Variants in BAALC observed in about 807,000 individuals in gnomAD.
The protein encoded by BAALC is brain and acute leukemia cytoplasmic protein.
BAALC carries 9 observed loss-of-function variants against 15.5 expected under a neutral mutation model. The observed-to-expected ratio is 0.58, with a 90% CI of 0.35 to 1.02. The LOEUF (loss-of-function observed/expected upper bound fraction) is 1.02, where lower values mean the gene tolerates loss of function less well. Among genes scored for constraint, BAALC ranks in the 50% least tolerant of loss-of-function variants. The pLI, the probability that BAALC is intolerant of heterozygous loss-of-function variation, is 0.02. For synonymous variants in BAALC, 80 were observed against 74.6 expected (o/e 1.07, Z -0.37); for missense variants, 201 against 192.4 (o/e 1.04, Z -0.27).
intron 1 of BAALC, among the ~76,000 whole-genome samples, chr8:103,202,341 C>T (rs984356594): frequency 6.6e-6 from 1 of 152,126 alleles, no homozygotes; most frequent in Non-Finnish European, 1.5e-5. Flanking sequence ...GAGATTAGGA[C>T]ACAGACACAC....
At chr8:103,188,790 G>A (rs1811901815) in intron 1 of BAALC, among the ~76,000 whole-genome samples, 1 of 152,190 alleles carries the variant, frequency 6.6e-6, no homozygotes, top group Admixed American at 6.5e-5. Context: ...GTATTCAACA[G>A]TGAGAAAGGA....
chr8:103,155,150 A>G lies in BAALC; in HGVS notation c.160+14093A>G, dbSNP rs1158560160. ...ACTGGGACTCTTTAAAAAAGATATTAGATTGGACCATATCTATTAGATTGG... is the reference window on the plus strand; with the variant it reads ...ACTGGGACTCTTTAAAAAAGATATTGGATTGGACCATATCTATTAGATTGG... On this transcript the variant is annotated intron_variant, in intron 1 of 2. Coordinates refer to ENST00000309982, the MANE Select transcript of BAALC (RefSeq NM_024812.3). Among the ~76,000 whole-genome samples, 13 of 152,306 alleles carry G rather than the reference A, an allele frequency of 8.5e-5. No homozygotes were observed. The East Asian group carries it at 2.5e-3, about 29-fold the overall frequency.
intron 1 of BAALC, among the ~76,000 whole-genome samples, chr8:103,182,796 C>T (rs987810705): frequency 6.6e-6 from 1 of 152,192 alleles, no homozygotes; most frequent in South Asian, 2.1e-4. Flanking sequence ...ACCTACCAGG[C>T]TGCTAAGTAG....
At chr8:103,149,111 G>T (rs1810929790) in intron 1 of BAALC, among the ~76,000 whole-genome samples, 1 of 152,222 alleles carries the variant, frequency 6.6e-6, no homozygotes, top group African/African-American at 2.4e-5. Context: ...CAGGTCTCTT[G>T]TTTCTGAATT....
chr8:103,196,098 G>A (rs1005658864), intron 1 of BAALC, among the ~76,000 whole-genome samples: 4 of 152,154 alleles, frequency 2.6e-5, no homozygotes, highest in African/African-American at 9.7e-5. Flanking sequence ...TGCCTTCAAT[G>A]TCCTATAAGG....
intron 2 of BAALC, among the ~76,000 whole-genome samples, chr8:103,215,728 C>T (rs1043233987): frequency 6.6e-6 from 1 of 152,154 alleles, no homozygotes; most frequent in African/African-American, 2.4e-5. Flanking sequence ...TCCCATTGGC[C>T]AAAGCAAGTC....
At chr8:103,171,429 T>G (rs34765095) in intron 1 of BAALC, among the ~76,000 whole-genome samples, 77,327 of 144,676 alleles carry the variant, frequency 0.53, 20,133 homozygotes, top group Middle Eastern at 0.57. Flanking sequence ...AGAATGAAAA[T>G]AAAAAGAAAG....
At chr8:103,171,813 A>C (rs914547643) in intron 1 of BAALC, 12 of 152,302 alleles carry the variant, frequency 7.9e-5, no homozygotes, top group Admixed American at 2.6e-4. Flanking sequence ...GGATCCAGGA[A>C]ACCCAGGCAA....
intron 1 of BAALC, chr8:103,141,455 G>A (rs72671356): frequency 0.09 from 16,621 of 184,060 alleles, 976 homozygotes; most frequent in Middle Eastern, 0.13. Context: ...GGCCACCTGC[G>A]TACCCAGCCG....
chr8:103,143,184 C>T (rs1810819643), intron 1 of BAALC, among the ~76,000 whole-genome samples: 1 of 152,086 alleles, frequency 6.6e-6, no homozygotes, highest in South Asian at 2.1e-4. Context: ...CATCTTTAGT[C>T]AGAATGGGTC....
At position 103,230,085 on chromosome 8, in the gene BAALC, CACTT is replaced by C. The variant is rs766075575; in HGVS notation, c.*1989_*1992del. The C allele has an allele frequency of 2.6e-5, 4 of 152,182 alleles. No homozygotes were observed. The highest frequency in any genetic ancestry group is 1.5e-5 in the Non-Finnish European group (1 of 68,030). The allele number at this position is 152,182 out of a possible 1,614,324, so 9.4% of individuals were successfully genotyped here. ...TCTGTTTTATATAGAAACACTTTCT[CACTT>C]ACAGGGGAGAAGGAAATGCAGGGCA... is the stretch of plus-strand genomic sequence containing the variant. On this transcript the variant is annotated 3_prime_UTR_variant, in exon 3 of 3. Coordinates refer to ENST00000309982, the MANE Select transcript of BAALC (RefSeq NM_024812.3).
intron 1 of BAALC, among the ~76,000 whole-genome samples, chr8:103,182,395 G>GGACAGAAA (rs1331291828): frequency 2.6e-5 from 4 of 152,170 alleles, no homozygotes; most frequent in Non-Finnish European, 4.4e-5. Flanking sequence ...TTGAGAAGAG[G>GGACAGAAA]GACAGAAAGA....
intron 1 of BAALC, among the ~76,000 whole-genome samples, chr8:103,184,918 G>A (rs1243632597): frequency 6.6e-6 from 1 of 152,158 alleles, no homozygotes; most frequent in African/African-American, 2.4e-5. Flanking sequence ...TGATCAGTGT[G>A]GGAACTGGGT....
chr8:103,194,046 A>C (rs1812036089), intron 1 of BAALC, among the ~76,000 whole-genome samples: 1 of 152,218 alleles, frequency 6.6e-6, no homozygotes, highest in South Asian at 2.1e-4. Flanking sequence ...AAAATATCAA[A>C]AAGCAAGTCG....
chr8:103,146,131 A>G (rs1036647822), intron 1 of BAALC, among the ~76,000 whole-genome samples: 2 of 152,242 alleles, frequency 1.3e-5, no homozygotes, highest in African/African-American at 4.8e-5. Context: ...AGCATTGTCC[A>G]TGGTCCATAC....
At chr8:103,200,838 A>G in intron 1 of BAALC, 1 of 585,152 alleles carries the variant, frequency 1.7e-6, no homozygotes, top group South Asian at 2.2e-5. Context: ...CGTCATGGCA[A>G]TTGCTTCCTA....
intron 1 of BAALC, among the ~76,000 whole-genome samples, chr8:103,147,284 G>A (rs1203874019): frequency 6.6e-6 from 1 of 152,164 alleles, no homozygotes; most frequent in African/African-American, 2.4e-5. Context: ...TATCCTAAGT[G>A]CATTCCAGAA....
chr8:103,229,560 G>C lies in BAALC; in HGVS notation c.*1461G>C, dbSNP rs1431941799. 1 of 152,210 alleles carries C rather than the reference G, an allele frequency of 6.6e-6. No individual in the cohort carries two copies. Among genetic ancestry groups the C allele is most frequent in the Non-Finnish European group, 1.5e-5 (1 of 68,040 alleles). 9.4% of individuals were successfully genotyped at this position (152,210 alleles called of 1,614,324 possible). The stretch of plus-strand genomic sequence containing the variant: ...TCCATCCTGTGCCAGGTACTATGCA[G>C]ATGTTGAGGGATTTGGGGTCTGGTT... On this transcript the variant is annotated 3_prime_UTR_variant, in exon 3 of 3. Coordinates refer to ENST00000309982, the MANE Select transcript of BAALC (RefSeq NM_024812.3).
intron 1 of BAALC, among the ~76,000 whole-genome samples, chr8:103,210,024 C>T (rs1417686063): frequency 6.6e-6 from 1 of 152,188 alleles, no homozygotes. Flanking sequence ...GGCCTGTTTT[C>T]CTGATCTCTT....
Sources: allele counts gnomAD v4.1 joint callset (sites outside exome capture counted in the v4.1 genomes callset), GRCh38; gene constraint gnomAD v4.1.1; transcripts MANE v1.5; gene names NCBI Gene and HGNC (gene_info 2026-07-23, HGNC 2026-07-21).